NBEAL1: variants seen among roughly 807,000 people sequenced by gnomAD.
The protein encoded by NBEAL1 is neurobeachin like 1, also known as neurobeachin-like protein 1.
NBEAL1 carries 273 observed loss-of-function variants against 351.3 expected under a neutral mutation model. The observed-to-expected ratio is 0.78, with a 90% CI of 0.70 to 0.86. NBEAL1 has a LOEUF of 0.86. Among genes scored for constraint, NBEAL1 ranks in the 40% least tolerant of loss-of-function variants. NBEAL1 has a pLI of 0.00. For synonymous variants in NBEAL1, 1,050 were observed against 1,086.4 expected, an observed-to-expected ratio of 0.97 and a Z score of 0.66; for missense variants, 2,961 against 3,201.3, an observed-to-expected ratio of 0.92 and a Z score of 1.81.
chr2:203,052,727 T>C (rs2061342995), intron 4 of NBEAL1, among the ~76,000 whole-genome samples: 2 of 143,682 alleles, frequency 1.4e-5, no homozygotes, highest in Admixed American at 1.5e-4. Flanking sequence ...CAGTTATTTA[T>C]TTATTTATTT....
At chr2:203,180,049 T>C (rs4675321) in intron 42 of NBEAL1, among the ~76,000 whole-genome samples, 135,305 of 152,230 alleles carry the variant, frequency 0.89, 61,133 homozygotes, top group Non-Finnish European at 0.96. Flanking sequence ...GCTGGAATTA[T>C]AGGCGTGAGC....
chr2:203,179,824 GCTGGAGTGCAGTGGCACAA>G (rs1234941829), intron 42 of NBEAL1, among the ~76,000 whole-genome samples: 1 of 152,070 alleles, frequency 6.6e-6, no homozygotes, highest in Non-Finnish European at 1.5e-5. Flanking sequence ...TGTCGGCCAG[GCTGGAGTGCAGTGGCACAA>G]TCTCCCAGGA....
At position 203,219,349 on chromosome 2, in the gene NBEAL1, G is replaced by C. The variant is rs2065930396; in HGVS notation, c.*1995G>C. Reference sequence around the variant, plus strand: ...ACTGGATTTGAAAATTATTTTGGATGCTTATAAGTTTTCTAAAACTTAGAT... The same window carrying C: ...ACTGGATTTGAAAATTATTTTGGATCCTTATAAGTTTTCTAAAACTTAGAT... On this transcript the variant is annotated 3_prime_UTR_variant, in exon 56 of 56. Coordinates refer to ENST00000683969, the MANE Select transcript of NBEAL1 (RefSeq NM_001378026.1). The C allele has an allele frequency of 6.6e-6, 1 of 151,890 alleles. No homozygotes were observed. Among genetic ancestry groups the C allele is most frequent in the African/African-American group, 2.4e-5 (1 of 41,360 alleles). 9.4% of individuals were successfully genotyped at this position (151,890 alleles called of 1,614,324 possible). A position where few individuals can be genotyped will look rare whatever the true frequency, so the allele number is the denominator to read the frequency against.
intron 6 of NBEAL1, among the ~76,000 whole-genome samples, chr2:203,065,753 GA>G (rs879711650): frequency 3.1e-4 from 44 of 140,766 alleles, no homozygotes; most frequent in East Asian, 6.1e-4. Flanking sequence ...CTCTGTCTCA[GA>G]AAAAAAAAAA....
intron 34 of NBEAL1, 79 bp from the exon 35 acceptor site, chr2:203,151,381 GATACT>G: frequency 1.0e-6 from 1 of 988,852 alleles, no homozygotes; most frequent in Non-Finnish European, 1.4e-6. Context: ...TAAAATACTT[GATACT>G]TTTTTACATT....
At chr2:203,112,236 C>T (rs1157072128) in intron 16 of NBEAL1, 138 bp downstream of exon 16, 5 of 807,512 alleles carry the variant, frequency 6.2e-6, no homozygotes, top group African/African-American at 5.3e-5. Flanking sequence ...TAAGACTCCA[C>T]ACATTAATAT....
In NBEAL1 at chr2:203,183,401, C is replaced by T. The variant is rs776223720; in HGVS notation, c.6705+13C>T. On this transcript the variant is annotated intron_variant, in intron 44 of 55. Transcript: ENST00000683969. ...TAGGAAAGCTTTGGTAAGAGTTTTG[C>T]ATTTAGTTATTTGACAGAATAATAA... 5.0e-6 allele frequency: 7 copies of T among 1,393,352 alleles called. No homozygotes were observed. In the Admixed American group the frequency reaches 1.0e-4, roughly 20 times the overall value. The allele number at this position is 1,393,352 out of a possible 1,614,324, so 86.3% of individuals were successfully genotyped here.
chr2:203,017,439 A>G (rs372291869), intron 2 of NBEAL1, among the ~76,000 whole-genome samples: 2 of 152,188 alleles, frequency 1.3e-5, no homozygotes. Context: ...GCTAAAGGAC[A>G]TACACTTTGA....
At chr2:203,050,008 T>G in intron 4 of NBEAL1, 33 bp downstream of exon 4, 2 of 1,538,766 alleles carry the variant, frequency 1.3e-6, no homozygotes, top group Non-Finnish European at 1.8e-6. Context: ...TAGTTTTCAC[T>G]CATAGGTGGG....
chr2:203,203,037 G>A (rs1387344930), intron 51 of NBEAL1, among the ~76,000 whole-genome samples: 1 of 152,002 alleles, frequency 6.6e-6, no homozygotes, highest in Non-Finnish European at 1.5e-5. Context: ...TTATTTTATT[G>A]TCTTTTAGCA....
Position 203,135,922 on chromosome 2 carries a change from G to A in NBEAL1, c.4059G>A (p.Val1353=). 1.2e-6 allele frequency: 2 copies of A among 1,614,180 alleles called. No individual in the cohort carries two copies. The highest frequency in any genetic ancestry group is 1.7e-6 in the Non-Finnish European group (2 of 1,180,014). The change falls in exon 28 of 56, where the codon GTG becomes GTA. Residue 1353 remains valine, a synonymous_variant. Transcript: ENST00000683969. The stretch of plus-strand genomic sequence containing the variant: ...TCACCTCTTTTGCCTCAGCTAATGT[G>A]TCTTCGGATCAGTGGAGTTTGGAGG... The part of the protein sequence containing the change: ...EKITSFASAN[V]SSDQWSLEDR...
chr2:203,015,460 C>T (rs1271954351), intron 1 of NBEAL1, among the ~76,000 whole-genome samples: 1 of 150,308 alleles, frequency 6.7e-6, no homozygotes, highest in East Asian at 2.0e-4. Flanking sequence ...GTCCCAACTA[C>T]TCCACCCCCA....
At chr2:203,216,472 G>T (rs2065897129) in intron 55 of NBEAL1, among the ~76,000 whole-genome samples, 1 of 152,020 alleles carries the variant, frequency 6.6e-6, no homozygotes, top group African/African-American at 2.4e-5. Flanking sequence ...AGCCAGGTGT[G>T]TTGGCTCACA....
At position 203,208,705 on chromosome 2, in the gene NBEAL1, G is replaced by A; in HGVS notation, c.7575G>A (p.Leu2525=). 1.2e-6 allele frequency: 2 copies of A among 1,612,742 alleles called. No homozygotes were observed. The highest frequency in any genetic ancestry group is 1.7e-6 in the Non-Finnish European group (2 of 1,179,744). The change falls in exon 52 of 56, where the codon CTG becomes CTA. Residue 2525 remains leucine, a synonymous_variant. Transcript: ENST00000683969. ...QILYGHTNEV[L]SVGISTELDM... ...TTTATGGACACACCAACGAGGTACTGAGTGTCGGCATCAGCACTGAGCTAG... is the reference window on the plus strand; with the variant it reads ...TTTATGGACACACCAACGAGGTACTAAGTGTCGGCATCAGCACTGAGCTAG...
rs562538245 is a variant in NBEAL1, at chr2:203,038,590, A to G, written c.52-3175A>G. On this transcript the variant is annotated intron_variant, in intron 2 of 55. Coordinates refer to ENST00000683969, the MANE Select transcript of NBEAL1 (RefSeq NM_001378026.1). ...TGTAGGAGATCTTTATGTTTTTCAT[A>G]CAAGTCCCTGAGAATATTTTCAGCC... 3.5e-4 allele frequency among the ~76,000 whole-genome samples: 52 copies of G among 149,112 alleles called. 1 individual carries two copies. The South Asian group carries it at 0.011, about 31-fold the overall frequency.
intron 38 of NBEAL1, among the ~76,000 whole-genome samples, chr2:203,169,245 G>A (rs886960265): frequency 1.3e-5 from 2 of 152,052 alleles, no homozygotes; most frequent in African/African-American, 4.8e-5. Context: ...CATAGAGACA[G>A]AAATTAGATT....
Position 203,217,484 on chromosome 2 carries a change from T to G in NBEAL1, c.*130T>G, listed in dbSNP as rs773451182. The G allele has an allele frequency of 9.1e-6, 12 of 1,316,768 alleles. No individual in the cohort carries two copies. The highest frequency in any genetic ancestry group is 1.2e-5 in the Non-Finnish European group (12 of 1,030,528). 81.6% of individuals were successfully genotyped at this position (1,316,768 alleles called of 1,614,324 possible). On this transcript the variant is annotated 3_prime_UTR_variant, in exon 56 of 56. Transcript: ENST00000683969. Reference sequence around the variant, plus strand: ...GAAAATCATTTACAGATAACCACAATTTGCTGTGGTATATAAACTAATTCT... The same window carrying G: ...GAAAATCATTTACAGATAACCACAAGTTGCTGTGGTATATAAACTAATTCT...
chr2:203,120,708 C>T (rs893414887), intron 18 of NBEAL1, among the ~76,000 whole-genome samples: 3 of 152,004 alleles, frequency 2.0e-5, no homozygotes, highest in African/African-American at 2.4e-5. Context: ...TTATCGGATT[C>T]GCATTTTAGA....
At chr2:203,178,018 CAAA>C (rs77855827) in intron 42 of NBEAL1, among the ~76,000 whole-genome samples, 2 of 142,366 alleles carry the variant, frequency 1.4e-5, no homozygotes, top group African/African-American at 2.6e-5. Context: ...TACTCCATCT[CAAA>C]AAAAAAAAAT....
Sources: gnomAD v4.1 joint callset for allele counts (sites outside exome capture counted in the v4.1 genomes callset) on GRCh38, gnomAD v4.1.1 for gene constraint, MANE v1.5 for transcripts, NCBI Gene and HGNC (gene_info 2026-07-23, HGNC 2026-07-21) for gene names.